Variants in KCNJ5 observed in about 807,000 individuals in gnomAD.
The protein encoded by KCNJ5 is potassium inwardly rectifying channel subfamily J member 5.
Under a neutral mutation model 20.2 loss-of-function variants are expected in KCNJ5, and 12 were observed. The ratio of observed to expected loss-of-function variants is 0.59; its 90% CI spans 0.38 to 0.96. KCNJ5 has a LOEUF of 0.96. KCNJ5 is among the 40% of genes least tolerant of loss of function. The probability of loss-of-function intolerance (pLI) is 0.00; values close to 1 mark genes in which losing one functional copy is unlikely to be tolerated. For synonymous variants in KCNJ5, 210 were observed against 213.9 expected (o/e 0.98, Z 0.16); for missense variants, 449 against 557.6 (o/e 0.81, Z 1.96).
rs1944488322 is a variant in KCNJ5, at chr11:128,911,029, T to C, written c.-10-235T>C. ...TTGCACCTAGATATTGTTCATTTAT[T>C]CATTCAACAAACAGCTAGCAAGCAT... On this transcript the variant is annotated intron_variant, in intron 1 of 2. Coordinates refer to ENST00000529694, the MANE Select transcript of KCNJ5 (RefSeq NM_000890.5). This position sits in a 1 kb window ranked among gnomAD's most constrained non-coding sequence, Gnocchi z 6.3. Among the ~76,000 whole-genome samples the C allele has an allele frequency of 6.6e-6, 1 of 152,226 alleles. No individual in the cohort carries two copies. The highest frequency in any genetic ancestry group is 2.4e-5 in the African/African-American group (1 of 41,458).
chr11:128,899,018 A>G (rs982477028), intron 1 of KCNJ5, among the ~76,000 whole-genome samples: 3 of 152,056 alleles, frequency 2.0e-5, no homozygotes, highest in African/African-American at 7.2e-5. Flanking sequence ...CTTATTCTCA[A>G]TGGATTTTTC....
intron 1 of KCNJ5, chr11:128,903,582 T>C: frequency 6.4e-7 from 1 of 1,553,968 alleles, no homozygotes. Context: ...GTGGTCTTGT[T>C]TCTACTGCGG....
chr11:128,916,029 A>AATGG (rs1944574203), intron 2 of KCNJ5, among the ~76,000 whole-genome samples: 2 of 104,764 alleles, frequency 1.9e-5, no homozygotes, highest in African/African-American at 3.7e-5. Context: ...TGGATGGATG[A>AATGG]ATGGATGGAT....
At chr11:128,900,081 T>C (rs931332378) in intron 1 of KCNJ5, 2 of 152,222 alleles carry the variant, frequency 1.3e-5, no homozygotes, top group African/African-American at 4.8e-5. Context: ...TTCCATACCT[T>C]GAATCGGGCC....
intron 1 of KCNJ5, among the ~76,000 whole-genome samples, chr11:128,899,092 A>G (rs78557561): frequency 6.6e-6 from 1 of 152,172 alleles, no homozygotes; most frequent in East Asian, 1.9e-4. Context: ...TAAGCATTCC[A>G]TTTTTGTGGA....
chr11:128,903,282 G>C (rs1944322951), intron 1 of KCNJ5: 12 of 1,467,264 alleles, frequency 8.2e-6, no homozygotes, highest in Non-Finnish European at 1.0e-5. Flanking sequence ...AATAAAAATA[G>C]GAGAAAGCCT....
rs144472942 is a variant in KCNJ5, at chr11:128,918,068, AC to A, written c.*1338del. ...AGACTCCATCTCAAAAAAAAAAAAA[AC>A]ATCAGCATCTGCCCCAGTTGTGGCC... On this transcript the variant is annotated 3_prime_UTR_variant, in exon 3 of 3. Coordinates refer to ENST00000529694, the MANE Select transcript of KCNJ5 (RefSeq NM_000890.5). 70,896 of 147,888 alleles carry A rather than the reference AC, an allele frequency of 0.48. 17,133 individuals are homozygous for A. The highest frequency in any genetic ancestry group is 0.6 in the South Asian group (2,774 of 4,662). 9.2% of individuals were successfully genotyped at this position (147,888 alleles called of 1,614,324 possible).
Position 128,912,162 on chromosome 11 carries a change from G to A in KCNJ5, c.889G>A (p.Glu297Lys). 1.2e-6 allele frequency: 2 copies of A among 1,609,078 alleles called. No individual in the cohort carries two copies. The highest frequency in any genetic ancestry group is 1.1e-5 in the South Asian group (1 of 91,072). ...GATGTCTCAGGCTCAGCTGCATCAG[G>A]AAGAGTTTGAAGTTGTGGTCATTCT... ...WEMSQAQLHQEEFEVVVILEG... is the reference protein window; with the variant it reads ...WEMSQAQLHQKEFEVVVILEG... The change falls in exon 2 of 3, where the codon GAA (glutamate) becomes AAA (lysine). Residue 297 changes from glutamate to lysine, a missense_variant. Glu to Lys is a moderately conservative substitution (Grantham distance 56). This residue lies in a region of KCNJ5 where 145 missense variants were observed against 166.2 expected (regional missense o/e 0.87). Coordinates refer to ENST00000529694, the MANE Select transcript of KCNJ5 (RefSeq NM_000890.5).
At chr11:128,904,514 G>A in intron 1 of KCNJ5, 1 of 1,529,788 alleles carries the variant, frequency 6.5e-7, no homozygotes, top group Non-Finnish European at 9.1e-7. Flanking sequence ...GTGCGTCCAG[G>A]GCGGAGAGGT....
At chr11:128,915,196 C>A (rs1181415912) in intron 2 of KCNJ5, among the ~76,000 whole-genome samples, 1 of 152,230 alleles carries the variant, frequency 6.6e-6, no homozygotes, top group African/African-American at 2.4e-5. Flanking sequence ...TTTCCTGTGA[C>A]CCTAAGCACA....
chr11:128,905,363 C>G (rs576013762), intron 1 of KCNJ5, among the ~76,000 whole-genome samples: 27 of 152,350 alleles, frequency 1.8e-4, no homozygotes, highest in African/African-American at 6.3e-4. Context: ...CTTATCCAGC[C>G]GCACTGGGGG....
At chr11:128,904,862 A>G (rs1408734476) in intron 1 of KCNJ5, among the ~76,000 whole-genome samples, 1 of 152,226 alleles carries the variant, frequency 6.6e-6, no homozygotes, top group Non-Finnish European at 1.5e-5. Context: ...GCAAACCCGT[A>G]AAACGTTCAG....
chr11:128,902,644 GT>G (rs753955678), intron 1 of KCNJ5: 1 of 1,614,070 alleles, frequency 6.2e-7, no homozygotes, highest in South Asian at 1.1e-5. Context: ...TGCAGATTGA[GT>G]TCTCCTCTTC....
chr11:128,902,574 A>C (rs977457233), intron 1 of KCNJ5: 2 of 1,609,282 alleles, frequency 1.2e-6, no homozygotes, highest in African/African-American at 2.7e-5. Context: ...GGACCACCGG[A>C]ACCAGGCTGA....
Position 128,916,615 on chromosome 11 carries a change from A to G in KCNJ5, c.1144A>G (p.Ser382Gly). 1 of 1,614,010 alleles carries G rather than the reference A, an allele frequency of 6.2e-7. No homozygotes were observed. Among genetic ancestry groups the G allele is most frequent in the East Asian group, 2.2e-5 (1 of 44,856 alleles). Residue 382 changes from serine (S) to glycine (G), a missense_variant, in exon 3 of 3, where the codon AGC becomes GGC. Coordinates refer to ENST00000529694, the MANE Select transcript of KCNJ5 (RefSeq NM_000890.5). ...REGRLLQYLP[S>G]PPLLGGCAEA... ...AGGCCGGCTCCTCCAGTACCTCCCC[A>G]GCCCCCCACTGCTGGGGGGCTGTGC...
chr11:128,908,725 T>C (rs1944458470), intron 1 of KCNJ5, among the ~76,000 whole-genome samples: 1 of 152,230 alleles, frequency 6.6e-6, no homozygotes, highest in South Asian at 2.1e-4. Flanking sequence ...AGCTCCCATG[T>C]GCCCCGGCCA....
At chr11:128,913,326 C>A (rs1019973409) in intron 2 of KCNJ5, among the ~76,000 whole-genome samples, 2 of 152,182 alleles carry the variant, frequency 1.3e-5, no homozygotes, top group Non-Finnish European at 2.9e-5. Context: ...CATGTATGCC[C>A]AAGAAAATGC....
intron 1 of KCNJ5, among the ~76,000 whole-genome samples, chr11:128,906,654 G>T (rs778808387): frequency 6.6e-6 from 1 of 152,124 alleles, no homozygotes; most frequent in Non-Finnish European, 1.5e-5. Context: ...ATTCCTTGCC[G>T]TGTGGCCCCC....
At chr11:128,902,451 A>G in intron 1 of KCNJ5, 2 of 1,446,054 alleles carry the variant, frequency 1.4e-6, no homozygotes, top group South Asian at 1.2e-5. Flanking sequence ...GTTAGGGAGG[A>G]GAAGGCAGCG....
Sources: gnomAD v4.1 joint callset for allele counts (sites outside exome capture counted in the v4.1 genomes callset) on GRCh38, gnomAD v4.1.1 for gene constraint, gnomAD v4.1.1 regional missense constraint, Gnocchi (gnomAD v3.1) non-coding constraint, MANE v1.5 for transcripts, NCBI Gene and HGNC (gene_info 2026-07-23, HGNC 2026-07-21) for gene names.